The following FEZ1 variants were observed in gnomAD, a reference collection of about 807,000 sequenced individuals.
FEZ1 encodes the protein fasciculation and elongation protein zeta-1.
A neutral mutation model predicts 49.3 loss-of-function variants in FEZ1; 20 were observed. The observed-to-expected ratio is 0.41, with a 90% CI of 0.29 to 0.59. FEZ1 has a LOEUF of 0.59. Ranked by LOEUF, FEZ1 falls within the 20% of genes least tolerant of loss-of-function variation. The pLI is 0.36. For missense variants in FEZ1, 413 were observed against 476.0 expected (o/e 0.87, Z 1.23); for synonymous variants, 170 against 180.9 (o/e 0.94, Z 0.48).
chr11:125,495,522 C>G lies in FEZ1; in HGVS notation c.-46+599G>C. ...TGTAGTAAAACAATCGCTCTCCCGG[C>G]GTCTGCGGCCGCTGCCAGCGGTTCT... On this transcript the variant is annotated intron_variant, in intron 1 of 9. Transcript: ENST00000278919. This position sits in a 1 kb window ranked among gnomAD's most constrained non-coding sequence, Gnocchi z 4.2. The G allele has an allele frequency of 2.1e-6, 1 of 471,108 alleles. No individual in the cohort carries two copies. The highest frequency in any genetic ancestry group is 4.4e-6 in the Non-Finnish European group (1 of 227,046). The allele number at this position is 471,108 out of a possible 1,614,324, so 29.2% of individuals were successfully genotyped here.
At chr11:125,458,890 A>C (rs1227871380) in intron 5 of FEZ1, among the ~76,000 whole-genome samples, 1 of 151,798 alleles carries the variant, frequency 6.6e-6, no homozygotes, top group African/African-American at 2.4e-5. Context: ...AACATGTGAA[A>C]CCTCATCTCT....
chr11:125,456,008 G>A lies in FEZ1; in HGVS notation c.766C>T (p.Arg256Cys), dbSNP rs200904803. 5.8e-5 allele frequency: 94 copies of A among 1,613,088 alleles called. No individual in the cohort carries two copies. Among genetic ancestry groups the A allele is most frequent in the South Asian group, 5.5e-5 (5 of 91,044 alleles). ...TTCTCAAACTCCAGCTCGTCCCGGCGGGCCAGCTGCTGCACCAGCTCCTCC... is the reference window on the plus strand; with the variant it reads ...TTCTCAAACTCCAGCTCGTCCCGGCAGGCCAGCTGCTGCACCAGCTCCTCC... ...FSEELVQQLARRDELEFEKEV... is the reference protein window; with the variant it reads ...FSEELVQQLACRDELEFEKEV... Residue 256 changes from arginine to cysteine, a missense_variant, in exon 6 of 10, where the codon CGC (arginine) becomes TGC (cysteine). By Grantham distance (180) the Arg-to-Cys change is radical (BLOSUM62 -3). Coordinates refer to ENST00000278919, the MANE Select transcript of FEZ1 (RefSeq NM_005103.5).
At chr11:125,480,473 G>A (rs1034720596) in intron 3 of FEZ1, among the ~76,000 whole-genome samples, 8 of 152,196 alleles carry the variant, frequency 5.3e-5, no homozygotes, top group Non-Finnish European at 1.0e-4. Context: ...TGCAAGATCC[G>A]TCAGCACTTG....
In FEZ1 at chr11:125,495,401, T is replaced by C. The variant is rs1256023149; in HGVS notation, c.-46+720A>G. 3 of 470,588 alleles carry C rather than the reference T, an allele frequency of 6.4e-6. No homozygotes were observed. Among genetic ancestry groups the C allele is most frequent in the Non-Finnish European group, 1.3e-5 (3 of 226,866 alleles). The allele number at this position is 470,588 out of a possible 1,614,324, so 29.2% of individuals were successfully genotyped here. ...GGGCTGTGATACCTCCTCGACGCCG[T>C]CAAACACTGCTCCCCGCATTCCAGA... is the stretch of plus-strand genomic sequence containing the variant. On this transcript the variant is annotated intron_variant, in intron 1 of 9. Transcript: ENST00000278919. This position sits in a 1 kb window ranked among gnomAD's most constrained non-coding sequence, Gnocchi z 4.2.
At chr11:125,488,084 G>T (rs1957342973) in intron 2 of FEZ1, among the ~76,000 whole-genome samples, 1 of 152,188 alleles carries the variant, frequency 6.6e-6, no homozygotes, top group South Asian at 2.1e-4. Flanking sequence ...TTGTATCTCT[G>T]CAGGGAACTC....
intron 3 of FEZ1, among the ~76,000 whole-genome samples, chr11:125,476,524 T>G (rs1957235526): frequency 6.6e-6 from 1 of 152,166 alleles, no homozygotes; most frequent in Non-Finnish European, 1.5e-5. Context: ...GCTTCTATGT[T>G]GAAAGGACTC....
chr11:125,472,792 C>A (rs1166484951), intron 3 of FEZ1, among the ~76,000 whole-genome samples: 4 of 151,824 alleles, frequency 2.6e-5, no homozygotes, highest in Admixed American at 2.6e-4. Flanking sequence ...AAATCAAATC[C>A]CACATTATAT....
chr11:125,482,711 T>C (rs1306422570), intron 2 of FEZ1, among the ~76,000 whole-genome samples: 2 of 152,012 alleles, frequency 1.3e-5, no homozygotes. Context: ...ACGCCTGAAA[T>C]CCAGCACTTT....
chr11:125,445,422 G>A lies in FEZ1; in HGVS notation c.*673C>T, dbSNP rs1255409519. ...TGCAGCTGTGTGGCTCCTCCATGAG[G>A]CCCACTTTCTATCTGCTAATTGCAC... is the stretch of plus-strand genomic sequence containing the variant. On this transcript the variant is annotated 3_prime_UTR_variant, in exon 10 of 10. Coordinates refer to ENST00000278919, the MANE Select transcript of FEZ1 (RefSeq NM_005103.5). This position sits in a 1 kb window ranked among gnomAD's most constrained non-coding sequence, Gnocchi z 4.4. Among the ~76,000 whole-genome samples, 1 of 152,306 alleles carries A rather than the reference G, an allele frequency of 6.6e-6. No homozygotes were observed. The highest frequency in any genetic ancestry group is 6.5e-5 in the Admixed American group (1 of 15,298).
At chr11:125,474,969 C>G (rs1957217527) in intron 3 of FEZ1, among the ~76,000 whole-genome samples, 1 of 150,748 alleles carries the variant, frequency 6.6e-6, no homozygotes, top group African/African-American at 2.4e-5. Flanking sequence ...TTTGAAGAGG[C>G]ATTTCACCAA....
Position 125,460,544 on chromosome 11 carries a change from C to A in FEZ1, c.621G>T (p.Glu207Asp), listed in dbSNP as rs1201243037. 6.2e-7 allele frequency: 1 copy of A among 1,614,118 alleles called. No individual in the cohort carries two copies. Among genetic ancestry groups the A allele is most frequent in the Non-Finnish European group, 8.5e-7 (1 of 1,179,974 alleles). Residue 207 changes from glutamate to aspartate, a missense_variant, in exon 5 of 10, where the codon GAG becomes GAT. Transcript: ENST00000278919. Reference protein sequence around the residue: ...SSQADSVLLQEMQALTQTFNN... With the variant: ...SSQADSVLLQDMQALTQTFNN... ...TGAAGGTCTGTGTCAATGCCTGCAT[C>A]TCCTGCAGGAGGACCGAGTCTGCCT... is the stretch of plus-strand genomic sequence containing the variant.
rs980467203 is a variant in FEZ1, at chr11:125,443,905, T to C, written c.*2190A>G. ...CCGCTTCAGACACCTGCTGGCAGGA[T>C]AAATTGGGGGAAAGGAGTGGCTGAC... On this transcript the variant is annotated 3_prime_UTR_variant, in exon 10 of 10. Transcript: ENST00000278919. 6.6e-6 allele frequency among the ~76,000 whole-genome samples: 1 copy of C among 152,090 alleles called. No individual in the cohort carries two copies. Among genetic ancestry groups the C allele is most frequent in the African/African-American group, 2.4e-5 (1 of 41,432 alleles).
rs1243642510 is a variant in FEZ1 at position 125,495,147 on chromosome 11, A to G, written c.-46+974T>C. The G allele has an allele frequency of 2.9e-6, 1 of 345,526 alleles. No individual in the cohort carries two copies. Among genetic ancestry groups the G allele is most frequent in the Non-Finnish European group, 6.0e-6 (1 of 167,102 alleles). The allele number at this position is 345,526 out of a possible 1,614,324, so 21.4% of individuals were successfully genotyped here. On this transcript the variant is annotated intron_variant, in intron 1 of 9. Coordinates refer to ENST00000278919, the MANE Select transcript of FEZ1 (RefSeq NM_005103.5). This position sits in a 1 kb window ranked among gnomAD's most constrained non-coding sequence, Gnocchi z 4.2. Reference sequence around the variant, plus strand: ...CCCCTCCCCCTCCTCCCGCTGCTCCATTCACCTCCATCTCAGATCCCCCTC... The same window carrying G: ...CCCCTCCCCCTCCTCCCGCTGCTCCGTTCACCTCCATCTCAGATCCCCCTC...
At chr11:125,467,048 T>TA (rs1285191949) in intron 3 of FEZ1, among the ~76,000 whole-genome samples, 1 of 151,968 alleles carries the variant, frequency 6.6e-6, no homozygotes, top group Admixed American at 6.6e-5. Context: ...TTTTTTTTTT[T>TA]TTAGACACAG....
Position 125,489,397 on chromosome 11 carries a change from C to T in FEZ1, c.311+70G>A. 1 of 1,529,270 alleles carries T rather than the reference C, an allele frequency of 6.5e-7. No homozygotes were observed. The highest frequency in any genetic ancestry group is 8.8e-7 in the Non-Finnish European group (1 of 1,142,412). 94.7% of individuals were successfully genotyped at this position (1,529,270 alleles called of 1,614,324 possible). A position where few individuals can be genotyped will look rare whatever the true frequency, so the allele number is the denominator to read the frequency against. On this transcript the variant is annotated intron_variant, in intron 2 of 9. Coordinates refer to ENST00000278919, the MANE Select transcript of FEZ1 (RefSeq NM_005103.5). This position sits in a 1 kb window ranked among gnomAD's most constrained non-coding sequence, Gnocchi z 4.2. ...CCATAAACCTATAGACAGAAACCAG[C>T]ACTATGTCAAGGAGACAAGGACTAC...
intron 3 of FEZ1, chr11:125,468,951 G>A (rs1010331060): frequency 3.3e-5 from 5 of 152,252 alleles, no homozygotes; most frequent in African/African-American, 1.2e-4. Flanking sequence ...AGGTTGAACT[G>A]GAGGTTCTGG....
At chr11:125,477,600 T>C (rs138195751) in intron 3 of FEZ1, among the ~76,000 whole-genome samples, 1 of 152,298 alleles carries the variant, frequency 6.6e-6, no homozygotes, top group African/African-American at 2.4e-5. Flanking sequence ...CTGCCGCCTC[T>C]ACCTGACCTT....
intron 2 of FEZ1, among the ~76,000 whole-genome samples, chr11:125,484,476 C>A (rs929285669): frequency 1.3e-5 from 2 of 152,142 alleles, no homozygotes; most frequent in African/African-American, 4.8e-5. Context: ...AGTTCCTAAT[C>A]ATAACCTAGG....
chr11:125,445,872 C>A lies in FEZ1; in HGVS notation c.*223G>T. ...CTGCCTTCCCCTCTCCTGACACCAG[C>A]AAGGGGGAGGCACCATCACCGGCCC... On this transcript the variant is annotated 3_prime_UTR_variant, in exon 10 of 10. Transcript: ENST00000278919. This position sits in a 1 kb window ranked among gnomAD's most constrained non-coding sequence, Gnocchi z 4.4. The A allele has an allele frequency of 1.7e-6, 1 of 590,544 alleles. No homozygotes were observed. The highest frequency in any genetic ancestry group is 2.2e-5 in the Admixed American group (1 of 44,898). 36.6% of individuals were successfully genotyped at this position (590,544 alleles called of 1,614,324 possible).
Sources: allele counts gnomAD v4.1 joint callset (sites outside exome capture counted in the v4.1 genomes callset), GRCh38; gene constraint gnomAD v4.1.1; non-coding constraint Gnocchi (gnomAD v3.1); transcripts MANE v1.5; gene names NCBI Gene and HGNC (gene_info 2026-07-23, HGNC 2026-07-21).